NUP214: variants seen among roughly 807,000 people sequenced by gnomAD.
NUP214 encodes the protein nucleoporin 214.
In NUP214, 79 loss-of-function variants were observed where a neutral mutation model predicts 196.2. The observed-to-expected ratio is 0.40, with a 90% CI of 0.34 to 0.49. The LOEUF is 0.49. NUP214 is among the 20% of genes least tolerant of loss of function. NUP214 has a pLI of 0.58. For synonymous variants in NUP214, 1,020 were observed against 990.5 expected (o/e 1.03, Z -0.56); for missense variants, 2,468 against 2,539.0 (o/e 0.97, Z 0.60).
chr9:131,156,139 T>C (rs1832430720), intron 17 of NUP214, among the ~76,000 whole-genome samples: 1 of 147,330 alleles, frequency 6.8e-6, no homozygotes, highest in Non-Finnish European at 1.5e-5. Context: ...TCTTTTTTTT[T>C]TTTTTTTTTT....
chr9:131,227,986 G>A (rs888608591), intron 32 of NUP214, among the ~76,000 whole-genome samples, 174 bp from the exon 33 acceptor site: 1 of 135,348 alleles, frequency 7.4e-6, no homozygotes, highest in Non-Finnish European at 1.6e-5. Flanking sequence ...ATAGAAGGGC[G>A]GGGGGGAGGG....
In NUP214 at chr9:131,146,133, A is replaced by G. The variant is rs142397246; in HGVS notation, c.1774A>G (p.Thr592Ala). Residue 592 changes from threonine (T) to alanine (A), a missense_variant, in exon 13 of 36, where the codon ACT (threonine) becomes GCT (alanine). Physicochemically the swap from Thr to Ala is moderately conservative, Grantham distance 58 (BLOSUM62 0). Transcript: ENST00000359428. The surrounding 1 kb of genome is among the most constrained non-coding windows in gnomAD (Gnocchi z 4.6). Reference protein sequence around the residue: ...AVKVNLSEKFTAAATSTPVSS... With the variant: ...AVKVNLSEKFAAAATSTPVSS... ...CTTCAGGCTGCCATTTTTCAGGTTT[A>G]CTGCTGCAGCTACCTCTACTCCTGT... 1 of 1,613,974 alleles carries G rather than the reference A, an allele frequency of 6.2e-7. No individual in the cohort carries two copies. The highest frequency in any genetic ancestry group is 8.5e-7 in the Non-Finnish European group (1 of 1,180,008).
chr9:131,180,281 A>G (rs570383366), intron 24 of NUP214, among the ~76,000 whole-genome samples: 41 of 152,356 alleles, frequency 2.7e-4, no homozygotes, highest in African/African-American at 9.4e-4. Context: ...ATTCCTTTCA[A>G]TAATCATTTA....
chr9:131,219,701 G>T lies in NUP214; in HGVS notation c.5750-3077G>T, dbSNP rs1005033899. Among the ~76,000 whole-genome samples, 34 of 152,148 alleles carry T rather than the reference G, an allele frequency of 2.2e-4. 1 individual carries two copies. The highest frequency in any genetic ancestry group is 2.2e-3 in the Admixed American group (33 of 15,280). On this transcript the variant is annotated intron_variant, in intron 31 of 35. Transcript: ENST00000359428. ...TATTGTCCTGAGGACACTGTGTAGGGCCATTCCCAGCACATTCTTTCTGTT... is the reference window on the plus strand; with the variant it reads ...TATTGTCCTGAGGACACTGTGTAGGTCCATTCCCAGCACATTCTTTCTGTT...
intron 21 of NUP214, among the ~76,000 whole-genome samples, chr9:131,167,665 G>T (rs150746620): frequency 6.6e-6 from 1 of 152,058 alleles, no homozygotes; most frequent in Non-Finnish European, 1.5e-5. Flanking sequence ...AACTATTCTG[G>T]TAGGACTCTT....
In NUP214 at chr9:131,159,475, G is replaced by A. The variant is rs146864485; in HGVS notation, c.2529G>A (p.Lys843=). 2 of 1,611,784 alleles carry A rather than the reference G, an allele frequency of 1.2e-6. No homozygotes were observed. Among genetic ancestry groups the A allele is most frequent in the Admixed American group, 3.3e-5 (2 of 59,906 alleles). ...DLEWDQHLEQ[K]KKQRHLLVPE... is the part of the protein sequence containing the mutation. ...AGTGGGATCAGCATCTGGAACAAAA[G>A]AAAAAACAAAGGTGAATGAGATCTC... is the stretch of plus-strand genomic sequence containing the variant. The change falls in exon 18 of 36, where the codon AAG becomes AAA. Residue 843 remains lysine, a synonymous_variant. Transcript: ENST00000359428.
At chr9:131,129,574 G>GTTT in intron 4 of NUP214, 97 bp downstream of exon 4, 1 of 1,248,338 alleles carries the variant, frequency 8.0e-7, no homozygotes, top group Non-Finnish European at 1.1e-6. Flanking sequence ...TTTGTGTTTT[G>GTTT]GTTTTTTTTT....
At chr9:131,151,604 TACCTGAG>T in intron 16 of NUP214, 125 bp from the exon 17 acceptor site, 1 of 606,182 alleles carries the variant, frequency 1.6e-6, no homozygotes, top group Non-Finnish European at 2.8e-6. Context: ...ATTCTTTTTT[TACCTGAG>T]TTAAATATGT....
chr9:131,232,147 C>T lies in NUP214; in HGVS notation c.6215-137C>T. ...TAAAGGGGCTTCTGTGTGTACCTTT[C>T]CTGCCTTCCTGTAGGTGGTGGAGGC... On this transcript the variant is annotated intron_variant, in intron 34 of 35. Transcript: ENST00000359428. This position sits in a 1 kb window ranked among gnomAD's most constrained non-coding sequence, Gnocchi z 5.1. The T allele has an allele frequency of 2.4e-6, 2 of 822,592 alleles. No homozygotes were observed. The highest frequency in any genetic ancestry group is 1.9e-5 in the Admixed American group (1 of 53,146). The allele number at this position is 822,592 out of a possible 1,614,324, so 51.0% of individuals were successfully genotyped here.
Position 131,197,361 on chromosome 9 carries a change from C to T in NUP214, c.3867C>T (p.Ala1289=), listed in dbSNP as rs761946503. Residue 1289 remains alanine, a synonymous_variant, in exon 29 of 36, where the codon GCC becomes GCT. Coordinates refer to ENST00000359428, the MANE Select transcript of NUP214 (RefSeq NM_005085.4). The part of the protein sequence containing the change: ...SASNTTPGEP[A]ASSSRPVAPS... The stretch of plus-strand genomic sequence containing the variant: ...CAAACACCACCCCAGGAGAACCTGC[C>T]GCATCTAGCAGCAGACCTGTGGCAC... 48 of 1,614,032 alleles carry T rather than the reference C, an allele frequency of 3.0e-5. No individual in the cohort carries two copies. Among genetic ancestry groups the T allele is most frequent in the Middle Eastern group, 3.3e-4 (2 of 6,084 alleles).
intron 26 of NUP214, chr9:131,191,244 A>T (rs1588155993): frequency 6.6e-6 from 1 of 152,050 alleles, no homozygotes; most frequent in South Asian, 2.1e-4. Context: ...CAGGCGGATC[A>T]CCTGAAGTCA....
chr9:131,167,266 G>A (rs1832810441), intron 21 of NUP214: 1 of 152,180 alleles, frequency 6.6e-6, no homozygotes, highest in African/African-American at 2.4e-5. Flanking sequence ...TCTCTGGACA[G>A]GCTTCTCTTG....
In NUP214 at chr9:131,197,631, G is replaced by A. The variant is rs762616269; in HGVS notation, c.4137G>A (p.Val1379=). The A allele has an allele frequency of 2.2e-5, 35 of 1,614,122 alleles. No individual in the cohort carries two copies. The Middle Eastern group carries it at 4.9e-4, about 23-fold the overall frequency. ...PSGFNFTAPP[V]LGKHTEPPVT... is the part of the protein sequence containing the mutation. ...GGTTTAATTTTACTGCCCCCCCGGTGTTAGGGAAGCACACGGAGCCCCCTG... is the reference window on the plus strand; with the variant it reads ...GGTTTAATTTTACTGCCCCCCCGGTATTAGGGAAGCACACGGAGCCCCCTG... Residue 1379 remains valine, a synonymous_variant, in exon 29 of 36, where the codon GTG becomes GTA. Transcript: ENST00000359428.
chr9:131,192,345 A>T, intron 27 of NUP214, 53 bp downstream of exon 27: 1 of 1,036,694 alleles, frequency 9.6e-7, no homozygotes, highest in Non-Finnish European at 1.5e-6. Context: ...AGCTTCCCCA[A>T]ATCTTACAAT....
intron 30 of NUP214, among the ~76,000 whole-genome samples, chr9:131,202,143 G>A (rs1833956400): frequency 6.6e-6 from 1 of 151,926 alleles, no homozygotes; most frequent in African/African-American, 2.4e-5. Flanking sequence ...TTTTATTTTT[G>A]TAGAGACACA....
chr9:131,159,414 T>A lies in NUP214; in HGVS notation c.2468T>A (p.Phe823Tyr). 6.2e-7 allele frequency: 1 copy of A among 1,614,090 alleles called. No homozygotes were observed. The highest frequency in any genetic ancestry group is 8.5e-7 in the Non-Finnish European group (1 of 1,180,012). ...CGGCGCCTTCATCAGTATGTGAAAT[T>A]TGCTGTCCAAGATGTGAATGATGTT... is the stretch of plus-strand genomic sequence containing the variant. ...EIRRLHQYVK[F>Y]AVQDVNDVLD... The change falls in exon 18 of 36, where the codon TTT (phenylalanine) becomes TAT (tyrosine). Residue 823 changes from phenylalanine (F) to tyrosine (Y), a missense_variant. Physicochemically the swap from Phe to Tyr is conservative, Grantham distance 22 (BLOSUM62 3). Coordinates refer to ENST00000359428, the MANE Select transcript of NUP214 (RefSeq NM_005085.4).
chr9:131,175,323 A>G, intron 22 of NUP214, 137 bp from the exon 23 acceptor site: 2 of 962,322 alleles, frequency 2.1e-6, no homozygotes, highest in Non-Finnish European at 3.1e-6. Flanking sequence ...CCAGCCTGTT[A>G]GTTTACTGGT....
intron 8 of NUP214, 36 bp downstream of exon 8, chr9:131,135,040 C>CA: frequency 7.2e-7 from 1 of 1,383,390 alleles, no homozygotes; most frequent in Non-Finnish European, 1.0e-6. Context: ...TTCCTGCTCT[C>CA]ACTGGAAGAT....
chr9:131,176,738 A>G (rs544858093), intron 23 of NUP214, among the ~76,000 whole-genome samples: 1 of 152,278 alleles, frequency 6.6e-6, no homozygotes, highest in Non-Finnish European at 1.5e-5. Flanking sequence ...CAAACTTTCT[A>G]CTACTTTCTA....
Sources: allele counts gnomAD v4.1 joint callset (sites outside exome capture counted in the v4.1 genomes callset), GRCh38; gene constraint gnomAD v4.1.1; non-coding constraint Gnocchi (gnomAD v3.1); transcripts MANE v1.5; gene names NCBI Gene and HGNC (gene_info 2026-07-23, HGNC 2026-07-21).